The following ABCC3 variants were observed in gnomAD, a reference collection of about 807,000 sequenced individuals.
ABCC3 encodes ATP binding cassette subfamily C member 3, also known as ATP-binding cassette sub-family C member 3.
Under a neutral mutation model 165.3 loss-of-function variants are expected in ABCC3, and 121 were observed. That is an observed-to-expected ratio of 0.73 (90% confidence interval 0.63 to 0.85). The LOEUF (loss-of-function observed/expected upper bound fraction) is 0.85, where lower values mean the gene tolerates loss of function less well. Among genes scored for constraint, ABCC3 ranks in the 40% least tolerant of loss-of-function variants. The pLI, the probability that ABCC3 is intolerant of heterozygous loss-of-function variation, is 0.00. For missense variants in ABCC3, 1,869 were observed against 1,964.1 expected (o/e 0.95, Z 0.92); for synonymous variants, 733 against 810.1 (o/e 0.90, Z 1.62).
intron 19 of ABCC3, 57 bp from the exon 20 acceptor site, chr17:50,675,305 A>C: frequency 7.8e-7 from 1 of 1,281,376 alleles, no homozygotes; most frequent in Non-Finnish European, 1.1e-6. Flanking sequence ...GGGAGATACC[A>C]GGGGCTTGCA....
chr17:50,668,781 C>G lies in ABCC3; in HGVS notation c.1871-72C>G, dbSNP rs1280778742. ...CCTCCCCTGTCCTCCTTTCCCCTGC[C>G]CCCCAGCCTCCCTGCAGGCTACCCC... On this transcript the variant is annotated intron_variant, in intron 14 of 30. Transcript: ENST00000285238. 4.6e-6 allele frequency: 6 copies of G among 1,316,618 alleles called. No individual in the cohort carries two copies. The African/African-American group carries it at 8.7e-5, about 19-fold the overall frequency. 81.6% of individuals were successfully genotyped at this position (1,316,618 alleles called of 1,614,324 possible).
Position 50,679,847 on chromosome 17 carries a change from C to T in ABCC3, c.3755C>T (p.Ser1252Phe). ...ATACGAATGATGTCAGATTTGGAAT[C>T]TAACATCGTGGCTGTGGAGAGGGTC... ...WMIRMMSDLESNIVAVERVKE... is the reference protein window; with the variant it reads ...WMIRMMSDLEFNIVAVERVKE... The change falls in exon 26 of 31, where the codon TCT (serine) becomes TTT (phenylalanine). Residue 1252 changes from serine to phenylalanine, a missense_variant. By Grantham distance (155) the Ser-to-Phe change is radical (BLOSUM62 -2). Coordinates refer to ENST00000285238, the MANE Select transcript of ABCC3 (RefSeq NM_003786.4). 1 of 1,614,176 alleles carries T rather than the reference C, an allele frequency of 6.2e-7. No homozygotes were observed. Among genetic ancestry groups the T allele is most frequent in the Non-Finnish European group, 8.5e-7 (1 of 1,180,030 alleles).
At chr17:50,661,185 G>A (rs1967376566) in intron 8 of ABCC3, 71 bp downstream of exon 8, 1 of 1,459,570 alleles carries the variant, frequency 6.9e-7, no homozygotes, top group African/African-American at 1.4e-5. Flanking sequence ...CCAGAGGAAG[G>A]AACAACGTAC....
chr17:50,680,021 A>G, intron 26 of ABCC3, 122 bp downstream of exon 26: 1 of 693,104 alleles, frequency 1.4e-6, no homozygotes, highest in South Asian at 1.7e-5. Context: ...TCATTTACCC[A>G]TTCACTCCTT....
At position 50,667,924 on chromosome 17, in the gene ABCC3, A is replaced by C; in HGVS notation, c.1697A>C (p.Glu566Ala). The C allele has an allele frequency of 1.2e-6, 2 of 1,614,178 alleles. No individual in the cohort carries two copies. Among genetic ancestry groups the C allele is most frequent in the Non-Finnish European group, 1.7e-6 (2 of 1,180,026 alleles). The change falls in exon 13 of 31, where the codon GAG becomes GCG. Residue 566 changes from glutamate to alanine, a missense_variant. Physicochemically the swap from Glu to Ala is moderately radical, Grantham distance 107. Transcript: ENST00000285238. ...YVDPNNVLDA[E>A]KAFVSVSLFN... is the part of the protein sequence containing the mutation. The stretch of plus-strand genomic sequence containing the variant: ...GACCCAAACAATGTGCTGGACGCCG[A>C]GAAGGCCTTTGTGTCTGTGTCCTTG...
intron 1 of ABCC3, chr17:50,635,866 G>A (rs1033823311): frequency 2.7e-6 from 1 of 376,744 alleles, no homozygotes; most frequent in African/African-American, 2.0e-5. Context: ...CTGGGCGAAA[G>A]AGTGAGACCC....
intron 17 of ABCC3, among the ~76,000 whole-genome samples, chr17:50,671,482 C>T (rs2146625041): frequency 6.6e-6 from 1 of 152,110 alleles, no homozygotes; most frequent in South Asian, 2.1e-4. Flanking sequence ...TATCTTAGTC[C>T]ATTTTCTATT....
rs754436590 is a variant in ABCC3 at position 50,675,808 on chromosome 17, A to T, written c.2859+33A>T. 3.1e-6 allele frequency: 5 copies of T among 1,589,184 alleles called. No individual in the cohort carries two copies. The East Asian group carries it at 9.1e-5, about 29-fold the overall frequency. ...GGTGGGGCAAGAGGGGCTGGAGGGG[A>T]TGGACAGGCAGGCCCCAGCAGCCCC... On this transcript the variant is annotated intron_variant, in intron 21 of 30. Coordinates refer to ENST00000285238, the MANE Select transcript of ABCC3 (RefSeq NM_003786.4).
chr17:50,659,700 T>G (rs940423037), intron 7 of ABCC3, among the ~76,000 whole-genome samples: 9 of 151,946 alleles, frequency 5.9e-5, no homozygotes, highest in African/African-American at 2.2e-4. Flanking sequence ...ATGGGGACAC[T>G]GGGGCCGGGT....
At chr17:50,678,342 A>C in intron 25 of ABCC3, 123 bp downstream of exon 25, 46 of 1,066,408 alleles carry the variant, frequency 4.3e-5, no homozygotes, top group East Asian at 5.9e-5. Flanking sequence ...GTCTGTTCTC[A>C]AGGACTGTGA....
At chr17:50,658,358 C>T (rs1967303428) in intron 5 of ABCC3, 77 bp from the exon 6 acceptor site, 1 of 1,579,568 alleles carries the variant, frequency 6.3e-7, no homozygotes, top group Admixed American at 1.7e-5. Context: ...GAACAAGGGT[C>T]CCCTCCATTT....
At chr17:50,675,287 T>G (rs1597857703) in intron 19 of ABCC3, 75 bp from the exon 20 acceptor site, 2 of 998,202 alleles carry the variant, frequency 2.0e-6, no homozygotes, top group East Asian at 4.9e-5. Context: ...TTCATTAGAG[T>G]GGGGAATGGG....
Position 50,655,908 on chromosome 17 carries a change from C to T in ABCC3, c.122C>T (p.Pro41Leu). The T allele has an allele frequency of 3.7e-6, 6 of 1,614,048 alleles. No individual in the cohort carries two copies. The highest frequency in any genetic ancestry group is 5.1e-6 in the Non-Finnish European group (6 of 1,180,008). ...CFQNSLLAWV[P>L]CIYLWVALPC... The stretch of plus-strand genomic sequence containing the variant: ...CAGAACTCCCTGCTGGCCTGGGTGC[C>T]CTGCATCTACCTGTGGGTCGCCCTG... The change falls in exon 2 of 31, where the codon CCC (proline) becomes CTC (leucine). Residue 41 changes from proline (P) to leucine (L), a missense_variant. Pro to Leu is a moderately conservative substitution (Grantham distance 98). Transcript: ENST00000285238.
intron 19 of ABCC3, among the ~76,000 whole-genome samples, chr17:50,673,966 TTC>T (rs1295748741): frequency 4.6e-5 from 1 of 21,684 alleles, no homozygotes; most frequent in African/African-American, 2.3e-4. Flanking sequence ...CTTTCTTTCT[TTC>T]TTTCTTTCTT....
At position 50,663,716 on chromosome 17, in the gene ABCC3, C is replaced by T. The variant is rs369052934; in HGVS notation, c.1034C>T (p.Pro345Leu). 2.0e-5 allele frequency: 32 copies of T among 1,614,120 alleles called. No individual in the cohort carries two copies. Among genetic ancestry groups the T allele is most frequent in the Admixed American group, 3.3e-5 (2 of 60,010 alleles). The change falls in exon 9 of 31, where the codon CCC becomes CTC. Residue 345 changes from proline (P) to leucine (L), a missense_variant. By Grantham distance (98) the Pro-to-Leu change is moderately conservative. Transcript: ENST00000285238. The part of the protein sequence containing the change: ...LIRFISNPMA[P>L]SWWGFLVAGL... ...AGGTTTATCTCCAACCCCATGGCCCCCTCCTGGTGGGGCTTCCTGGTGGCT... is the reference window on the plus strand; with the variant it reads ...AGGTTTATCTCCAACCCCATGGCCCTCTCCTGGTGGGGCTTCCTGGTGGCT...
chr17:50,656,705 C>T lies in ABCC3; in HGVS notation c.226C>T (p.Leu76=), dbSNP rs1303516149. 2 of 1,612,234 alleles carry T rather than the reference C, an allele frequency of 1.2e-6. No individual in the cohort carries two copies. Among genetic ancestry groups the T allele is most frequent in the Admixed American group, 1.7e-5 (1 of 59,672 alleles). The change falls in exon 3 of 31, where the codon CTG becomes TTG. Residue 76 remains leucine, a synonymous_variant. Transcript: ENST00000285238. ...LSHLSKLKMV[L]GVLLWCVSWA... is the part of the protein sequence containing the mutation. The stretch of plus-strand genomic sequence containing the variant: ...CCAACCTGTGCTCTCTTCGCAGGTC[C>T]TGGGTGTCCTGCTGTGGTGCGTCTC...
At chr17:50,657,754 G>A (rs1271513794) in intron 4 of ABCC3, among the ~76,000 whole-genome samples, 2 of 152,186 alleles carry the variant, frequency 1.3e-5, no homozygotes, top group Admixed American at 6.5e-5. Flanking sequence ...CGGGCGGGTC[G>A]CTGAAACCTT....
chr17:50,642,444 C>G (rs1966910206), intron 1 of ABCC3, among the ~76,000 whole-genome samples: 1 of 152,228 alleles, frequency 6.6e-6, no homozygotes, highest in Non-Finnish European at 1.5e-5. Flanking sequence ...CCCCAAAGTC[C>G]CCTGGTTGTT....
intron 19 of ABCC3, among the ~76,000 whole-genome samples, chr17:50,673,900 T>TTTTCTTTCTTTCTCTCTTTC (rs1597856632): frequency 6.1e-5 from 8 of 131,514 alleles, no homozygotes; most frequent in East Asian, 4.8e-4. Flanking sequence ...TCAGAGCCTG[T>TTTTCTTTCTTTCTCTCTTTC]TTTCTTTCTT....
Sources: gnomAD v4.1 joint callset for allele counts (sites outside exome capture counted in the v4.1 genomes callset) on GRCh38, gnomAD v4.1.1 for gene constraint, MANE v1.5 for transcripts, NCBI Gene and HGNC (gene_info 2026-07-23, HGNC 2026-07-21) for gene names.